Variants in PIAS1 observed in about 807,000 individuals in gnomAD.
PIAS1 encodes protein inhibitor of activated STAT 1.
Under a neutral mutation model 71.3 loss-of-function variants are expected in PIAS1, and 6 were observed. The ratio of observed to expected loss-of-function variants is 0.08; its 90% confidence interval spans 0.05 to 0.17. PIAS1 has a LOEUF of 0.17. Among genes scored for constraint, PIAS1 ranks in the 10% least tolerant of loss-of-function variants. The pLI is 1.00. For missense variants in PIAS1, 555 were observed against 793.6 expected (o/e 0.70, Z 3.61); for synonymous variants, 303 against 292.9 (o/e 1.03, Z -0.35).
At chr15:68,143,342 C>T (rs2092785435) in intron 4 of PIAS1, among the ~76,000 whole-genome samples, 1 of 152,076 alleles carries the variant, frequency 6.6e-6, no homozygotes, top group Non-Finnish European at 1.5e-5. Flanking sequence ...CTGTTCAGCA[C>T]TTCATGGAAC....
intron 2 of PIAS1, among the ~76,000 whole-genome samples, chr15:68,119,934 A>C (rs894915489): frequency 2.6e-5 from 4 of 152,100 alleles, no homozygotes; most frequent in Non-Finnish European, 4.4e-5. Context: ...TCTGAAATCT[A>C]CTTTCTCTGA....
intron 4 of PIAS1, 39 bp downstream of exon 4, chr15:68,142,376 G>T (rs1462328189): frequency 7.1e-7 from 1 of 1,402,216 alleles, no homozygotes; most frequent in Non-Finnish European, 1.0e-6. Context: ...AAGTTTAAAA[G>T]ATAATATTCC....
At chr15:68,179,319 T>C (rs1399084772) in intron 11 of PIAS1, among the ~76,000 whole-genome samples, 1 of 152,206 alleles carries the variant, frequency 6.6e-6, no homozygotes, top group Non-Finnish European at 1.5e-5. Context: ...TTGAGATGTT[T>C]TCAAAGACTA....
chr15:68,177,966 T>C (rs985933267), intron 11 of PIAS1, among the ~76,000 whole-genome samples: 1 of 152,218 alleles, frequency 6.6e-6, no homozygotes, highest in Non-Finnish European at 1.5e-5. Context: ...AGGAAGTCCA[T>C]AGATGGCATT....
rs78486329 is a variant in PIAS1, at chr15:68,098,013, C to A, written c.469+11263C>A. Among the ~76,000 whole-genome samples, 1,011 of 152,152 alleles carry A rather than the reference C, an allele frequency of 6.6e-3. 6 individuals are homozygous for A. Among genetic ancestry groups the A allele is most frequent in the African/African-American group, 0.023 (962 of 41,512 alleles). ...AATTTTATTTTTTTCCCAAAACTTC[C>A]TTTGAATATTATTCTAGATCTTACT... On this transcript the variant is annotated intron_variant, in intron 2 of 13. Transcript: ENST00000249636.
At chr15:68,066,970 A>G (rs570892789) in intron 1 of PIAS1, among the ~76,000 whole-genome samples, 7 of 152,316 alleles carry the variant, frequency 4.6e-5, no homozygotes, top group Admixed American at 1.3e-4. Context: ...GAGGAATTCT[A>G]TAATCTCTTG....
chr15:68,187,784 G>A lies in PIAS1; in HGVS notation c.1905G>A (p.Thr635=), dbSNP rs376116832. The A allele has an allele frequency of 2.3e-5, 37 of 1,613,754 alleles. No individual in the cohort carries two copies. The highest frequency in any genetic ancestry group is 3.3e-5 in the Admixed American group (2 of 59,984). Residue 635 remains threonine, a synonymous_variant, in exon 14 of 14, where the codon ACG becomes ACA. Coordinates refer to ENST00000249636, the MANE Select transcript of PIAS1 (RefSeq NM_016166.3). This position sits in a 1 kb window ranked among gnomAD's most constrained non-coding sequence, Gnocchi z 5.3. ...ACACCGTCACAAACAGGAGCAGCAC[G>A]GACACGGCATCCATCTTTGGCATCA... is the stretch of plus-strand genomic sequence containing the variant. ...HSHTVTNRSS[T]DTASIFGIIP...
intron 2 of PIAS1, among the ~76,000 whole-genome samples, chr15:68,107,055 A>T (rs1024462808): frequency 6.6e-6 from 1 of 152,188 alleles, no homozygotes; most frequent in Admixed American, 6.5e-5. Context: ...TGACCTAGAG[A>T]ACCATATTCT....
chr15:68,193,788 C>T lies in PIAS1; in HGVS notation c.*5953C>T, dbSNP rs765690824. The T allele has an allele frequency of 1.1e-4, 51 of 468,210 alleles. No individual in the cohort carries two copies. The highest frequency in any genetic ancestry group is 1.7e-4 in the Non-Finnish European group (43 of 260,274). 29.0% of individuals were successfully genotyped at this position (468,210 alleles called of 1,614,324 possible). A position where few individuals can be genotyped will look rare whatever the true frequency, so the allele number is the denominator to read the frequency against. ...AGGCTCCTTCCATGCTTGAAAGGGC[C>T]GGACTCACGGTAGTTAATAAAATCA... On this transcript the variant is annotated 3_prime_UTR_variant, in exon 14 of 14. Coordinates refer to ENST00000249636, the MANE Select transcript of PIAS1 (RefSeq NM_016166.3).
intron 6 of PIAS1, among the ~76,000 whole-genome samples, chr15:68,149,704 T>G (rs1008954170): frequency 6.6e-6 from 1 of 152,182 alleles, no homozygotes; most frequent in Non-Finnish European, 1.5e-5. Context: ...TAATATTTAT[T>G]TCATAGCTAA....
At chr15:68,162,619 A>C (rs1409581313) in intron 7 of PIAS1, among the ~76,000 whole-genome samples, 2 of 152,346 alleles carry the variant, frequency 1.3e-5, no homozygotes, top group African/African-American at 4.8e-5. Flanking sequence ...TAATGTGACT[A>C]TTGAAGTCCA....
intron 2 of PIAS1, among the ~76,000 whole-genome samples, chr15:68,116,210 CG>C (rs2092563983): frequency 6.6e-6 from 1 of 151,442 alleles, no homozygotes; most frequent in Admixed American, 6.6e-5. Flanking sequence ...AGAAGTCCCC[CG>C]AGAATACACA....
intron 8 of PIAS1, among the ~76,000 whole-genome samples, chr15:68,169,405 C>T (rs1405080175): frequency 6.6e-6 from 1 of 152,084 alleles, no homozygotes; most frequent in Non-Finnish European, 1.5e-5. Context: ...CTGGGCATGT[C>T]GCTCACGCCT....
At chr15:68,114,441 C>T (rs1258678903) in intron 2 of PIAS1, among the ~76,000 whole-genome samples, 4 of 152,002 alleles carry the variant, frequency 2.6e-5, no homozygotes, top group African/African-American at 4.8e-5. Context: ...AATGATGAAA[C>T]TATATCATTC....
chr15:68,096,509 A>C (rs899697483), intron 2 of PIAS1, among the ~76,000 whole-genome samples: 1 of 151,602 alleles, frequency 6.6e-6, no homozygotes, highest in African/African-American at 2.4e-5. Flanking sequence ...AAATCTGTAG[A>C]TTGCTTTGAG....
At chr15:68,120,913 G>C (rs764787519) in intron 2 of PIAS1, among the ~76,000 whole-genome samples, 3 of 152,178 alleles carry the variant, frequency 2.0e-5, no homozygotes, top group Non-Finnish European at 4.4e-5. Context: ...TGGGATTACA[G>C]GCATGAGCCA....
rs1329032485 is a variant in PIAS1, at chr15:68,175,781, C to T, written c.1300+14C>T. On this transcript the variant is annotated intron_variant, in intron 10 of 13. Coordinates refer to ENST00000249636, the MANE Select transcript of PIAS1 (RefSeq NM_016166.3). ...ATGGAGTCGATGGTGAGTAGTTCTTCACAAGGAAGAGGCAGTCTCCCTACT... is the reference window on the plus strand; with the variant it reads ...ATGGAGTCGATGGTGAGTAGTTCTTTACAAGGAAGAGGCAGTCTCCCTACT... 6.3e-7 allele frequency: 1 copy of T among 1,588,114 alleles called. No homozygotes were observed. The highest frequency in any genetic ancestry group is 1.1e-5 in the South Asian group (1 of 87,152).
At position 68,174,361 on chromosome 15, in the gene PIAS1, A is replaced by T. The variant is rs1373422119; in HGVS notation, c.1169+469A>T. On this transcript the variant is annotated intron_variant, in intron 9 of 13. Coordinates refer to ENST00000249636, the MANE Select transcript of PIAS1 (RefSeq NM_016166.3). The surrounding 1 kb of genome is among the most constrained non-coding windows in gnomAD (Gnocchi z 4.0). ...CTTCTTTTTCTTTTTTGTCTTGCCC[A>T]CCTATAGCATCACAAAACCAATTAT... 6.6e-6 allele frequency among the ~76,000 whole-genome samples: 1 copy of T among 152,136 alleles called. No homozygotes were observed. The highest frequency in any genetic ancestry group is 6.5e-5 in the Admixed American group (1 of 15,278).
rs535676094 is a variant in PIAS1, at chr15:68,156,938, A to G, written c.934+3243A>G. On this transcript the variant is annotated intron_variant, in intron 7 of 13. Transcript: ENST00000249636. Reference sequence around the variant, plus strand: ...GGCTAATGCAGTGAGGCCAGTTGAGAACCTGTTTGTAATAGTATACGTAAG... The same window carrying G: ...GGCTAATGCAGTGAGGCCAGTTGAGGACCTGTTTGTAATAGTATACGTAAG... Among the ~76,000 whole-genome samples, 5 of 152,300 alleles carry G rather than the reference A, an allele frequency of 3.3e-5. No homozygotes were observed. In the East Asian group the frequency reaches 9.6e-4, roughly 29 times the overall value.
Sources: allele counts gnomAD v4.1 joint callset (sites outside exome capture counted in the v4.1 genomes callset), GRCh38; gene constraint gnomAD v4.1.1; non-coding constraint Gnocchi (gnomAD v3.1); transcripts MANE v1.5; gene names NCBI Gene and HGNC (gene_info 2026-07-23, HGNC 2026-07-21).